The following GSAP variants were observed in gnomAD, a reference collection of about 807,000 sequenced individuals.
The protein encoded by GSAP is gamma-secretase-activating protein.
Under a neutral mutation model 131.7 loss-of-function variants are expected in GSAP, and 118 were observed. That is an observed-to-expected ratio of 0.90 (90% CI 0.77 to 1.04). GSAP has a LOEUF of 1.04. Ranked by LOEUF, GSAP falls within the 50% of genes least tolerant of loss-of-function variation. GSAP has a pLI of 0.00. For synonymous variants in GSAP, 381 were observed against 363.4 expected, an observed-to-expected ratio of 1.05 and a Z score of -0.55; for missense variants, 1,019 against 1,013.2, an observed-to-expected ratio of 1.01 and a Z score of -0.08.
intron 23 of GSAP, 106 bp downstream of exon 23, chr7:77,326,106 G>T: frequency 1.3e-6 from 1 of 778,070 alleles, no homozygotes; most frequent in Non-Finnish European, 2.1e-6. Flanking sequence ...ACATACTTGT[G>T]CAAAGAATAA....
At chr7:77,382,510 T>G in intron 7 of GSAP, 64 bp downstream of exon 7, 1 of 849,258 alleles carries the variant, frequency 1.2e-6, no homozygotes. Context: ...TTCAATCATG[T>G]ACCACACTAG....
At chr7:77,376,103 C>T (rs1018465076) in intron 10 of GSAP, among the ~76,000 whole-genome samples, 1 of 152,102 alleles carries the variant, frequency 6.6e-6, no homozygotes, top group Non-Finnish European at 1.5e-5. Context: ...TTCTCAAATC[C>T]ACCATCCTCA....
At position 77,318,133 on chromosome 7, in the gene GSAP, G is replaced by A. The variant is rs542366640; in HGVS notation, c.2089+2592C>T. ...AATTCAAGAAGCAGCATGGATTTTG[G>A]AGCCAAACTGCCTGGATTTGAATAT... On this transcript the variant is annotated intron_variant, in intron 26 of 30. Coordinates refer to ENST00000257626, the MANE Select transcript of GSAP (RefSeq NM_017439.4). Among the ~76,000 whole-genome samples, 17 of 152,280 alleles carry A rather than the reference G, an allele frequency of 1.1e-4. No homozygotes were observed. In the East Asian group the frequency reaches 3.1e-3, roughly 28 times the overall value.
intron 19 of GSAP, among the ~76,000 whole-genome samples, chr7:77,345,446 A>G (rs1224415735): frequency 2.0e-5 from 3 of 152,238 alleles, no homozygotes; most frequent in African/African-American, 7.2e-5. Context: ...ATAAGAAGAC[A>G]GGACTATCAG....
chr7:77,326,220 T>G lies in GSAP; in HGVS notation c.1819A>C (p.Met607Leu). ...QEEDSHQRLL[M>L]GLMVSELKDH... ...ACCCACGTACCACTTACCAGCCCCA[T>G]GAGCAGCCGCTGGTGGCTGTCTTCC... Residue 607 changes from methionine (M) to leucine (L), a missense_variant, in exon 23 of 31, where the codon ATG becomes CTG. Met to Leu is a conservative substitution (Grantham distance 15). Transcript: ENST00000257626. The G allele has an allele frequency of 6.2e-7, 1 of 1,611,994 alleles. No homozygotes were observed.
chr7:77,404,648 T>A (rs1307787409), intron 2 of GSAP, 33 bp from the exon 3 acceptor site: 4 of 1,227,932 alleles, frequency 3.3e-6, no homozygotes, highest in Non-Finnish European at 4.8e-6. Context: ...TTATTAAATG[T>A]CATTGTTTAG....
chr7:77,399,296 G>T (rs953085203), intron 3 of GSAP, among the ~76,000 whole-genome samples: 2 of 152,174 alleles, frequency 1.3e-5, no homozygotes, highest in Non-Finnish European at 2.9e-5. Context: ...GTATTGGCTT[G>T]ATCCAGAGCT....
At position 77,340,645 on chromosome 7, in the gene GSAP, C is replaced by T. The variant is rs530048622; in HGVS notation, c.1545+8706G>A. On this transcript the variant is annotated intron_variant, in intron 19 of 30. Transcript: ENST00000257626. ...CATTTTATCCGTGGACCCAAAACTC[C>T]GGCGCCAGTCACAGACTCGGGAAGA... Among the ~76,000 whole-genome samples, 33 of 152,316 alleles carry T rather than the reference C, an allele frequency of 2.2e-4. No individual in the cohort carries two copies. In the South Asian group the frequency reaches 4.6e-3, roughly 21 times the overall value.
At chr7:77,329,013 T>A (rs192319626) in intron 21 of GSAP, among the ~76,000 whole-genome samples, 12,265 of 147,468 alleles carry the variant, frequency 0.083, 674 homozygotes, top group Non-Finnish European at 0.12. Context: ...ACTGACACTT[T>A]AAAAAAAAAA....
At chr7:77,386,290 CAT>C (rs1430626088) in intron 6 of GSAP, among the ~76,000 whole-genome samples, 47 of 152,150 alleles carry the variant, frequency 3.1e-4, no homozygotes, top group African/African-American at 1.1e-3. Context: ...GCAATAATAA[CAT>C]ACACAGTTTT....
rs532621419 is a variant in GSAP at position 77,337,416 on chromosome 7, C to G, written c.1546-7049G>C. The stretch of plus-strand genomic sequence containing the variant: ...TCTCGAACTCCTGGCCCCAAGTGAT[C>G]CACCCGCCTCGGCCTCCCAAAGTGC... On this transcript the variant is annotated intron_variant, in intron 19 of 30. Transcript: ENST00000257626. Among the ~76,000 whole-genome samples the G allele has an allele frequency of 3.5e-4, 53 of 152,168 alleles. No homozygotes were observed. The South Asian group carries it at 1.0e-2, about 29-fold the overall frequency.
chr7:77,330,489 T>C, intron 19 of GSAP, 122 bp from the exon 20 acceptor site: 4 of 1,423,802 alleles, frequency 2.8e-6, no homozygotes, highest in Non-Finnish European at 3.7e-6. Context: ...AGTGAATACT[T>C]TGTACAGAAG....
chr7:77,355,166 T>G, intron 16 of GSAP, 47 bp downstream of exon 16: 1 of 1,177,050 alleles, frequency 8.5e-7, no homozygotes, highest in Non-Finnish European at 1.3e-6. Flanking sequence ...ATAAATATGT[T>G]CAGTGTCGTC....
At chr7:77,352,653 A>G (rs754708805) in intron 18 of GSAP, among the ~76,000 whole-genome samples, 9 of 152,190 alleles carry the variant, frequency 5.9e-5, no homozygotes, top group Admixed American at 2.0e-4. Flanking sequence ...CACTCTAGTC[A>G]CTTAGAAAAT....
intron 26 of GSAP, among the ~76,000 whole-genome samples, chr7:77,318,284 C>G (rs74653140): frequency 0.081 from 12,338 of 151,998 alleles, 712 homozygotes; most frequent in Non-Finnish European, 0.11. Context: ...TTTTTGTTGG[C>G]CAAAAAATGG....
At position 77,325,216 on chromosome 7, in the gene GSAP, T is replaced by C. The variant is rs929322457; in HGVS notation, c.1827+996A>G. 4.6e-5 allele frequency among the ~76,000 whole-genome samples: 7 copies of C among 152,328 alleles called. No homozygotes were observed. In the South Asian group the frequency reaches 1.5e-3, roughly 32 times the overall value. Reference sequence around the variant, plus strand: ...ATGTGAGATTTTTCTTTTACTATTGTTGGCATATCTAAACTAACCTCTCCT... The same window carrying C: ...ATGTGAGATTTTTCTTTTACTATTGCTGGCATATCTAAACTAACCTCTCCT... On this transcript the variant is annotated intron_variant, in intron 23 of 30. Transcript: ENST00000257626.
intron 28 of GSAP, among the ~76,000 whole-genome samples, chr7:77,313,031 C>A (rs1245972816): frequency 2.0e-5 from 3 of 151,974 alleles, no homozygotes; most frequent in Non-Finnish European, 4.4e-5. Flanking sequence ...TGTTGATATT[C>A]CCTCATGTTT....
chr7:77,330,937 A>T (rs1243124520), intron 19 of GSAP: 31 of 797,608 alleles, frequency 3.9e-5, no homozygotes, highest in Non-Finnish European at 4.6e-5. Context: ...TAGATCTTTG[A>T]ATTATTGATA....
At chr7:77,343,927 T>C (rs1449593350) in intron 19 of GSAP, among the ~76,000 whole-genome samples, 1 of 152,194 alleles carries the variant, frequency 6.6e-6, no homozygotes, top group African/African-American at 2.4e-5. Context: ...TCTGCTATTC[T>C]ACTACTCTTC....
Sources: gnomAD v4.1 joint callset for allele counts (sites outside exome capture counted in the v4.1 genomes callset) on GRCh38, gnomAD v4.1.1 for gene constraint, MANE v1.5 for transcripts, NCBI Gene and HGNC (gene_info 2026-07-23, HGNC 2026-07-21) for gene names.